CRKL: variants seen among roughly 807,000 people sequenced by gnomAD.
The protein encoded by CRKL is crk-like protein.
Under a neutral mutation model 23.0 loss-of-function variants are expected in CRKL, and 3 were observed. The observed-to-expected ratio is 0.13, with a 90% CI of 0.06 to 0.34. CRKL has a LOEUF of 0.34. Among genes scored for constraint, CRKL ranks in the 10% least tolerant of loss-of-function variants. The probability of loss-of-function intolerance (pLI) is 1.00; values close to 1 mark genes in which losing one functional copy is unlikely to be tolerated. For missense variants in CRKL, 256 were observed against 394.5 expected, an observed-to-expected ratio of 0.65 and a Z score of 2.97; for synonymous variants, 188 against 160.7, an observed-to-expected ratio of 1.17 and a Z score of -1.28.
At chr22:20,926,876 C>T (rs1037615900) in intron 1 of CRKL, among the ~76,000 whole-genome samples, 2 of 151,848 alleles carry the variant, frequency 1.3e-5, no homozygotes, top group Non-Finnish European at 2.9e-5. Context: ...CCTTGGGAGG[C>T]GGAGGCAGGT....
At position 20,950,002 on chromosome 22, in the gene CRKL, C is replaced by A. The variant is rs1922206479; in HGVS notation, c.*157C>A. 2.2e-6 allele frequency: 2 copies of A among 910,482 alleles called. No homozygotes were observed. Among genetic ancestry groups the A allele is most frequent in the Non-Finnish European group, 3.2e-6 (2 of 621,078 alleles). 56.4% of individuals were successfully genotyped at this position (910,482 alleles called of 1,614,324 possible). On this transcript the variant is annotated 3_prime_UTR_variant, in exon 3 of 3. Coordinates refer to ENST00000354336, the MANE Select transcript of CRKL (RefSeq NM_005207.4). ...GCACACACATTTGGAATGCACACAGCGGCTGCCTCCTGATGTTTGTATCAT... is the reference window on the plus strand; with the variant it reads ...GCACACACATTTGGAATGCACACAGAGGCTGCCTCCTGATGTTTGTATCAT...
rs574836156 is a variant in CRKL, at chr22:20,952,128, G to A, written c.*2283G>A. The A allele has an allele frequency of 1.7e-4, 39 of 227,350 alleles. 1 individual carries two copies. The East Asian group carries it at 1.8e-3, about 11-fold the overall frequency. 14.1% of individuals were successfully genotyped at this position (227,350 alleles called of 1,614,324 possible). A position where few individuals can be genotyped will look rare whatever the true frequency, so the allele number is the denominator to read the frequency against. Reference sequence around the variant, plus strand: ...GAGTTTCCAACAGAGGGAGGAATGTGTGCCTTGTTCAAGGAGGGCACGACC... The same window carrying A: ...GAGTTTCCAACAGAGGGAGGAATGTATGCCTTGTTCAAGGAGGGCACGACC... On this transcript the variant is annotated 3_prime_UTR_variant, in exon 3 of 3. Coordinates refer to ENST00000354336, the MANE Select transcript of CRKL (RefSeq NM_005207.4).
At chr22:20,940,890 G>A (rs1404636936) in intron 2 of CRKL, among the ~76,000 whole-genome samples, 1 of 151,986 alleles carries the variant, frequency 6.6e-6, no homozygotes, top group African/African-American at 2.4e-5. Context: ...ATTTGTATTA[G>A]CATTTTCTTC....
chr22:20,940,769 C>T (rs1839580783), intron 2 of CRKL, among the ~76,000 whole-genome samples: 1 of 152,062 alleles, frequency 6.6e-6, no homozygotes, highest in African/African-American at 2.4e-5. Context: ...GTCTCTGTGT[C>T]TTTTGAATTG....
rs1555918907 is a variant in CRKL, at chr22:20,927,128, A to AAAAAG, written c.312-6647_312-6646insGAAAA. Among the ~76,000 whole-genome samples the AAAAAG allele has an allele frequency of 1.7e-4, 22 of 125,816 alleles. 2 individuals are homozygous for AAAAAG. Among genetic ancestry groups the AAAAAG allele is most frequent in the East Asian group, 1.5e-3 (5 of 3,248 alleles). The allele number at this position is 125,816 out of a possible 152,430, so 82.5% of individuals were successfully genotyped here. On this transcript the variant is annotated intron_variant, in intron 1 of 2. Transcript: ENST00000354336. ...CTCCGTCTCAAAAAAAAAAAAAAAA[A>AAAAAG]AAAAAAAAGAATGGTGGTTAAAGCA...
chr22:20,934,352 C>A, intron 2 of CRKL, 108 bp downstream of exon 2: 1 of 1,018,098 alleles, frequency 9.8e-7, no homozygotes, highest in Non-Finnish European at 1.4e-6. Flanking sequence ...AATTAGAGCA[C>A]TGGATGATTT....
At chr22:20,943,292 A>G (rs560033374) in intron 2 of CRKL, among the ~76,000 whole-genome samples, 102 of 152,074 alleles carry the variant, frequency 6.7e-4, no homozygotes, top group South Asian at 3.3e-3. Flanking sequence ...CTGGAGTACA[A>G]TGGCACTCAC....
Position 20,933,920 on chromosome 22 carries a change from G to A in CRKL, c.453G>A (p.Val151=), listed in dbSNP as rs550457678. Residue 151 remains valine (V), a synonymous_variant, in exon 2 of 3, where the codon GTG becomes GTA. Transcript: ENST00000354336. ...DLPFKKGEIL[V]IIEKPEEQWW... Reference sequence around the variant, plus strand: ...CCTTTAAAAAGGGTGAGATCCTAGTGATAATAGAGAAGCCTGAAGAACAGT... The same window carrying A: ...CCTTTAAAAAGGGTGAGATCCTAGTAATAATAGAGAAGCCTGAAGAACAGT... The A allele has an allele frequency of 3.7e-6, 6 of 1,614,166 alleles. No individual in the cohort carries two copies. In the Admixed American group the frequency reaches 5.0e-5, roughly 13 times the overall value.
At chr22:20,921,212 A>G (rs1223163692) in intron 1 of CRKL, among the ~76,000 whole-genome samples, 4 of 152,246 alleles carry the variant, frequency 2.6e-5, no homozygotes, top group African/African-American at 9.6e-5. Context: ...CCAGAGTTTC[A>G]TGCCTCTTGG....
intron 1 of CRKL, among the ~76,000 whole-genome samples, chr22:20,932,121 T>TA (rs1921478332): frequency 6.6e-6 from 1 of 152,022 alleles, no homozygotes. Context: ...CTTATTTATT[T>TA]ATGTTTTGAG....
In CRKL at chr22:20,918,219, C is replaced by T. The variant is rs748564317; in HGVS notation, c.285C>T (p.Thr95=). The change falls in exon 1 of 3, where the codon ACC becomes ACT. Residue 95 remains threonine, a synonymous_variant. Coordinates refer to ENST00000354336, the MANE Select transcript of CRKL (RefSeq NM_005207.4). Reference sequence around the variant, plus strand: ...TTTACAAGATCCACTACCTGGACACCACCACCCTCATCGAGCCTGCGCCCA... The same window carrying T: ...TTTACAAGATCCACTACCTGGACACTACCACCCTCATCGAGCCTGCGCCCA... The part of the protein sequence containing the change: ...LEFYKIHYLD[T]TTLIEPAPRY... 2 of 1,614,022 alleles carry T rather than the reference C, an allele frequency of 1.2e-6. No individual in the cohort carries two copies. Among genetic ancestry groups the T allele is most frequent in the South Asian group, 2.2e-5 (2 of 91,088 alleles).
intron 1 of CRKL, among the ~76,000 whole-genome samples, chr22:20,920,678 G>A (rs1920982749): frequency 6.6e-6 from 1 of 152,072 alleles, no homozygotes; most frequent in South Asian, 2.1e-4. Flanking sequence ...TACTGCAGCT[G>A]TACTAGGCTG....
In CRKL at chr22:20,950,796, T is replaced by C. The variant is rs1306561689; in HGVS notation, c.*951T>C. The C allele has an allele frequency of 4.4e-6, 1 of 228,024 alleles. No homozygotes were observed. Among genetic ancestry groups the C allele is most frequent in the Non-Finnish European group, 8.7e-6 (1 of 114,960 alleles). The allele number at this position is 228,024 out of a possible 1,614,324, so 14.1% of individuals were successfully genotyped here. A position where few individuals can be genotyped will look rare whatever the true frequency, so the allele number is the denominator to read the frequency against. ...GGAATGACTCATGCCTCTGAGCTTC[T>C]AAACTGAAGCTGCTGTAACTAAAGG... On this transcript the variant is annotated 3_prime_UTR_variant, in exon 3 of 3. Transcript: ENST00000354336.
chr22:20,919,039 G>C (rs945929099), intron 1 of CRKL, among the ~76,000 whole-genome samples: 13 of 131,572 alleles, frequency 9.9e-5, no homozygotes, highest in Non-Finnish European at 1.7e-4. Context: ...ACTCCCTCCA[G>C]ATCTCTGAAC....
intron 2 of CRKL, among the ~76,000 whole-genome samples, chr22:20,945,089 G>T (rs1340635401): frequency 3.3e-5 from 5 of 151,496 alleles, no homozygotes; most frequent in Admixed American, 3.3e-4. Context: ...CACCTCCCGG[G>T]TGCACGCCAT....
intron 1 of CRKL, among the ~76,000 whole-genome samples, chr22:20,928,421 C>A (rs533227251): frequency 2.6e-5 from 4 of 151,716 alleles, no homozygotes; most frequent in Non-Finnish European, 5.9e-5. Flanking sequence ...CGTACTGCTG[C>A]ACTCCAGCCT....
intron 2 of CRKL, among the ~76,000 whole-genome samples, chr22:20,943,029 C>T (rs2147912982): frequency 6.6e-6 from 1 of 151,848 alleles, no homozygotes; most frequent in South Asian, 2.1e-4. Context: ...CTTCCACATC[C>T]TCATCAACAC....
At position 20,934,258 on chromosome 22, in the gene CRKL, A is replaced by C; in HGVS notation, c.777+14A>C. ...TTGGCATTAGAGGTAAAATCTGTTC[A>C]GATTAGCTTTTTGGGTCCTTTGACA... is the stretch of plus-strand genomic sequence containing the variant. On this transcript the variant is annotated intron_variant, in intron 2 of 2. Transcript: ENST00000354336. 2 of 1,587,080 alleles carry C rather than the reference A, an allele frequency of 1.3e-6. No individual in the cohort carries two copies. The highest frequency in any genetic ancestry group is 1.7e-6 in the Non-Finnish European group (2 of 1,165,206).
rs762033843 is a variant in CRKL at position 20,951,449 on chromosome 22, A to G, written c.*1604A>G. The G allele has an allele frequency of 9.6e-5, 22 of 229,840 alleles. No homozygotes were observed. The highest frequency in any genetic ancestry group is 1.5e-4 in the Non-Finnish European group (17 of 116,070). 14.2% of individuals were successfully genotyped at this position (229,840 alleles called of 1,614,324 possible). ...AAAAGAGGCCTGTTCATACAAGCCA[A>G]CTGGTATATACGTGTGGTTCATCCA... On this transcript the variant is annotated 3_prime_UTR_variant, in exon 3 of 3. Coordinates refer to ENST00000354336, the MANE Select transcript of CRKL (RefSeq NM_005207.4).
Sources: allele counts gnomAD v4.1 joint callset (sites outside exome capture counted in the v4.1 genomes callset), GRCh38; gene constraint gnomAD v4.1.1; transcripts MANE v1.5; gene names NCBI Gene and HGNC (gene_info 2026-07-23, HGNC 2026-07-21).